CNTNAP2: variants seen among roughly 807,000 people sequenced by gnomAD.
CNTNAP2 encodes the protein contactin-associated protein-like 2.
In CNTNAP2, 98 loss-of-function variants were observed where a neutral mutation model predicts 155.2. The observed-to-expected ratio is 0.63, with a 90% confidence interval of 0.54 to 0.75. The LOEUF (loss-of-function observed/expected upper bound fraction) is 0.75. Among genes scored for constraint, CNTNAP2 ranks in the 30% least tolerant of loss-of-function variants. The probability of loss-of-function intolerance (pLI) is 0.00; values close to 1 mark genes in which losing one functional copy is unlikely to be tolerated. For missense variants in CNTNAP2, 1,727 were observed against 1,688.1 expected (o/e 1.02, Z -0.40); for synonymous variants, 651 against 631.2 (o/e 1.03, Z -0.47).
At chr7:146,767,855 A>G (rs919756639) in intron 1 of CNTNAP2, among the ~76,000 whole-genome samples, 1 of 152,168 alleles carries the variant, frequency 6.6e-6, no homozygotes, top group Non-Finnish European at 1.5e-5. Flanking sequence ...AACTGTGGGT[A>G]AGACAGGATT....
chr7:148,086,573 A>G (rs1803733186), intron 15 of CNTNAP2, among the ~76,000 whole-genome samples: 1 of 152,270 alleles, frequency 6.6e-6, no homozygotes, highest in Non-Finnish European at 1.5e-5. Context: ...AAAATCAGTT[A>G]TAAATGTGCT....
At chr7:146,430,754 C>T (rs192511370) in intron 1 of CNTNAP2, among the ~76,000 whole-genome samples, 51 of 152,046 alleles carry the variant, frequency 3.4e-4, no homozygotes, top group Non-Finnish European at 6.5e-4. Context: ...AATAATTGCA[C>T]GTTTTGAGAG....
chr7:148,101,051 C>T (rs550215721), intron 15 of CNTNAP2, among the ~76,000 whole-genome samples: 1 of 146,810 alleles, frequency 6.8e-6, no homozygotes, highest in Non-Finnish European at 1.5e-5. Context: ...AACACCACCG[C>T]ATGTTCTCAC....
chr7:146,241,839 A>AACACAC (rs145823085), intron 1 of CNTNAP2, among the ~76,000 whole-genome samples: 71 of 151,318 alleles, frequency 4.7e-4, no homozygotes, highest in African/African-American at 1.7e-3. Flanking sequence ...CACACACACA[A>AACACAC]ACACACACGC....
chr7:148,083,995 T>C (rs1007513408), intron 15 of CNTNAP2, among the ~76,000 whole-genome samples: 1 of 152,228 alleles, frequency 6.6e-6, no homozygotes, highest in Non-Finnish European at 1.5e-5. Context: ...ACCATAGATG[T>C]AGTATCACAG....
intron 1 of CNTNAP2, among the ~76,000 whole-genome samples, chr7:146,155,057 T>C (rs1798104926): frequency 6.6e-6 from 1 of 152,170 alleles, no homozygotes; most frequent in African/African-American, 2.4e-5. Flanking sequence ...CAACAGAGTT[T>C]TATGGTAAGA....
chr7:148,057,437 C>T (rs373124459), intron 15 of CNTNAP2, among the ~76,000 whole-genome samples: 20 of 152,216 alleles, frequency 1.3e-4, no homozygotes, highest in African/African-American at 3.6e-4. Context: ...TCACTAAATT[C>T]GAGATTTCAT....
At chr7:148,382,284 G>A (rs1730418) in intron 21 of CNTNAP2, among the ~76,000 whole-genome samples, 108,713 of 152,106 alleles carry the variant, frequency 0.71, 40,003 homozygotes, top group Admixed American at 0.81. Context: ...TCGGAACCCC[G>A]TGCCCCAGGC....
chr7:148,011,665 G>A (rs537390000), intron 15 of CNTNAP2, among the ~76,000 whole-genome samples: 4 of 152,158 alleles, frequency 2.6e-5, no homozygotes, highest in South Asian at 2.1e-4. Context: ...GCTTATACAC[G>A]TGCTTTGATA....
intron 9 of CNTNAP2, among the ~76,000 whole-genome samples, chr7:147,324,309 TTAAC>T (rs1240051339): frequency 6.6e-6 from 1 of 152,222 alleles, no homozygotes; most frequent in East Asian, 1.9e-4. Flanking sequence ...ATAAGGATAA[TTAAC>T]CATATTTTAA....
At chr7:146,697,243 A>T (rs944142648) in intron 1 of CNTNAP2, among the ~76,000 whole-genome samples, 70 of 143,256 alleles carry the variant, frequency 4.9e-4, no homozygotes, top group Non-Finnish European at 7.8e-4. Flanking sequence ...TTATTTATTT[A>T]TTTATTTATT....
chr7:147,224,064 C>T (rs1473780790), intron 8 of CNTNAP2, among the ~76,000 whole-genome samples: 1 of 151,618 alleles, frequency 6.6e-6, no homozygotes, highest in Non-Finnish European at 1.5e-5. Flanking sequence ...AGCGCTTGTT[C>T]CCATAGAGGT....
chr7:146,358,288 C>T (rs1388338113), intron 1 of CNTNAP2, among the ~76,000 whole-genome samples: 3 of 152,130 alleles, frequency 2.0e-5, no homozygotes, highest in African/African-American at 7.2e-5. Flanking sequence ...CCCTCCTCAG[C>T]CTCCCAAAGT....
At position 147,008,628 on chromosome 7, in the gene CNTNAP2, A is replaced by C. The variant is rs552198103; in HGVS notation, c.403-35279A>C. Among the ~76,000 whole-genome samples, 4 of 152,288 alleles carry C rather than the reference A, an allele frequency of 2.6e-5. No individual in the cohort carries two copies. The South Asian group carries it at 8.3e-4, about 32-fold the overall frequency. Reference sequence around the variant, plus strand: ...TAAGTACGCCGTCATAAGTAACTCAAAGGATTGGTTACAATGTAGGCTTAT... The same window carrying C: ...TAAGTACGCCGTCATAAGTAACTCACAGGATTGGTTACAATGTAGGCTTAT... On this transcript the variant is annotated intron_variant, in intron 3 of 23. Coordinates refer to ENST00000361727, the MANE Select transcript of CNTNAP2 (RefSeq NM_014141.6).
intron 14 of CNTNAP2, among the ~76,000 whole-genome samples, chr7:147,951,768 CG>C (rs1563146118): frequency 1.3e-5 from 2 of 150,498 alleles, no homozygotes; most frequent in Non-Finnish European, 3.0e-5. Context: ...GGGGCCTGTC[CG>C]GGGGTAGAGG....
intron 21 of CNTNAP2, among the ~76,000 whole-genome samples, chr7:148,344,797 C>G (rs551954094): frequency 6.6e-6 from 1 of 152,268 alleles, no homozygotes; most frequent in Non-Finnish European, 1.5e-5. Context: ...TGCAAGTTAT[C>G]ATTTTTTAAG....
chr7:147,527,627 T>C (rs1234400231), intron 11 of CNTNAP2, among the ~76,000 whole-genome samples: 1 of 152,222 alleles, frequency 6.6e-6, no homozygotes, highest in Admixed American at 6.5e-5. Flanking sequence ...CCACATTACA[T>C]AGCAGAATTT....
At chr7:147,049,066 G>GCTCAAGGTCAAA (rs1799421208) in intron 4 of CNTNAP2, among the ~76,000 whole-genome samples, 4 of 152,164 alleles carry the variant, frequency 2.6e-5, no homozygotes, top group African/African-American at 9.7e-5. Flanking sequence ...TCAAGGTCAA[G>GCTCAAGGTCAAA]GGACCTGCAT....
intron 9 of CNTNAP2, among the ~76,000 whole-genome samples, chr7:147,313,788 C>A (rs535132985): frequency 0.012 from 1,859 of 151,750 alleles, 29 homozygotes; most frequent in Non-Finnish European, 0.017. Flanking sequence ...AGTTTTTTCC[C>A]ATTCTGTGAA....
Sources: gnomAD v4.1 joint callset for allele counts (sites outside exome capture counted in the v4.1 genomes callset) on GRCh38, gnomAD v4.1.1 for gene constraint, MANE v1.5 for transcripts, NCBI Gene and HGNC (gene_info 2026-07-23, HGNC 2026-07-21) for gene names.